IKBKB: variants seen among roughly 807,000 people sequenced by gnomAD.
IKBKB encodes the protein inhibitor of nuclear factor kappa-B kinase subunit beta.
IKBKB carries 42 observed loss-of-function variants against 113.6 expected under a neutral mutation model. The ratio of observed to expected loss-of-function variants is 0.37; its 90% confidence interval spans 0.29 to 0.48. IKBKB has a LOEUF of 0.48. Ranked by LOEUF, IKBKB falls within the 20% of genes least tolerant of loss-of-function variation. The pLI is 0.99. For missense variants in IKBKB, 673 were observed against 939.7 expected (o/e 0.72, Z 3.71); for synonymous variants, 296 against 361.3 (o/e 0.82, Z 2.05).
At position 42,319,296 on chromosome 8, in the gene IKBKB, G is replaced by A. The variant is rs752090287; in HGVS notation, c.1391G>A (p.Cys464Tyr). ...ATGAATCTCCTCCGAAACAACAGCT[G>A]CCTCTCCAAAATGAAGAATTCCATG... Reference protein sequence around the residue: ...AMMNLLRNNSCLSKMKNSMAS... With the variant: ...AMMNLLRNNSYLSKMKNSMAS... The change falls in exon 14 of 22, where the codon TGC becomes TAC. Residue 464 changes from cysteine (C) to tyrosine (Y), a missense_variant. Cys to Tyr is a radical substitution (Grantham distance 194). Transcript: ENST00000520810. 1.9e-5 allele frequency: 30 copies of A among 1,614,002 alleles called. No individual in the cohort carries two copies. Among genetic ancestry groups the A allele is most frequent in the Non-Finnish European group, 2.5e-5 (30 of 1,180,016 alleles).
chr8:42,327,269 G>T (rs560225201), intron 20 of IKBKB, among the ~76,000 whole-genome samples: 2 of 151,678 alleles, frequency 1.3e-5, no homozygotes, highest in African/African-American at 4.8e-5. Context: ...CAAGGCAGGA[G>T]GTTCGCAGGA....
intron 9 of IKBKB, among the ~76,000 whole-genome samples, chr8:42,314,672 G>T (rs1818340292): frequency 6.6e-6 from 1 of 151,888 alleles, no homozygotes; most frequent in Admixed American, 6.6e-5. Flanking sequence ...CTACTCAGGA[G>T]GCTAAGGCAG....
chr8:42,279,883 C>T (rs181541272), intron 2 of IKBKB, among the ~76,000 whole-genome samples: 47 of 152,308 alleles, frequency 3.1e-4, no homozygotes, highest in African/African-American at 1.1e-3. Context: ...GGGTCTCCCT[C>T]TGTCACCCAG....
intron 5 of IKBKB, among the ~76,000 whole-genome samples, chr8:42,297,450 C>A (rs957107244): frequency 6.6e-6 from 1 of 152,180 alleles, no homozygotes; most frequent in African/African-American, 2.4e-5. Context: ...ATTGCCTTTT[C>A]TTCTGGATTA....
intron 2 of IKBKB, among the ~76,000 whole-genome samples, chr8:42,276,227 G>A (rs982913920): frequency 2.0e-5 from 3 of 152,078 alleles, no homozygotes; most frequent in African/African-American, 4.8e-5. Context: ...ATAGAGTTCC[G>A]CTTTCTCCAC....
intron 11 of IKBKB, chr8:42,317,341 A>G (rs560033551): frequency 4.5e-6 from 2 of 440,798 alleles, no homozygotes; most frequent in Non-Finnish European, 8.3e-6. Flanking sequence ...CTGCTCAAAA[A>G]GACCTTCTCA....
intron 8 of IKBKB, among the ~76,000 whole-genome samples, chr8:42,312,137 C>T (rs1236233249): frequency 2.0e-5 from 3 of 152,224 alleles, no homozygotes; most frequent in African/African-American, 2.4e-5. Flanking sequence ...CTGCCCGCCT[C>T]GGCCTCCCAA....
intron 5 of IKBKB, among the ~76,000 whole-genome samples, chr8:42,303,905 C>A (rs1815954125): frequency 6.6e-6 from 1 of 152,150 alleles, no homozygotes; most frequent in South Asian, 2.1e-4. Context: ...TATTGTTTCC[C>A]CACCTCTCTT....
intron 14 of IKBKB, 64 bp downstream of exon 14, chr8:42,319,485 T>A: frequency 6.2e-7 from 1 of 1,601,802 alleles, no homozygotes; most frequent in Non-Finnish European, 8.6e-7. Context: ...CTTTCTAAGG[T>A]TTCTTTTGTC....
At chr8:42,298,996 T>C (rs912211221) in intron 5 of IKBKB, among the ~76,000 whole-genome samples, 1 of 152,224 alleles carries the variant, frequency 6.6e-6, no homozygotes, top group Admixed American at 6.5e-5. Flanking sequence ...CTGGCCGTTC[T>C]TGTGGCCTGT....
chr8:42,277,657 C>G (rs1338044562), intron 2 of IKBKB, among the ~76,000 whole-genome samples: 15 of 152,222 alleles, frequency 9.9e-5, no homozygotes, highest in African/African-American at 2.4e-4. Context: ...TCCTCCAGGA[C>G]CAACTCTAGG....
rs114367269 is a variant in IKBKB, at chr8:42,315,497, C to T, written c.801-713C>T. On this transcript the variant is annotated intron_variant, in intron 9 of 21. Transcript: ENST00000520810. ...GGCCTCAGGGAAGGGTTTGAGTGCT[C>T]ACAGGAGGCAGGCTCTGCAGGGCCA... Among the ~76,000 whole-genome samples, 705 of 152,178 alleles carry T rather than the reference C, an allele frequency of 4.6e-3. 6 individuals carry two copies. The highest frequency in any genetic ancestry group is 0.016 in the African/African-American group (670 of 41,508).
chr8:42,327,341 T>C (rs1276372857), intron 20 of IKBKB, among the ~76,000 whole-genome samples: 1 of 147,372 alleles, frequency 6.8e-6, no homozygotes, highest in East Asian at 2.0e-4. Context: ...TTTTTTTTTT[T>C]TTTTTTTTTT....
chr8:42,329,201 A>T lies in IKBKB; in HGVS notation c.2192A>T (p.Asp731Val). The T allele has an allele frequency of 6.3e-7, 1 of 1,592,554 alleles. No individual in the cohort carries two copies. The highest frequency in any genetic ancestry group is 8.5e-7 in the Non-Finnish European group (1 of 1,172,186). Reference sequence around the variant, plus strand: ...ATACAGGACACTGTGAGGGAACAAGACCAGAGTTTCACGGTAACAGCTTGT... The same window carrying T: ...ATACAGGACACTGTGAGGGAACAAGTCCAGAGTTTCACGGTAACAGCTTGT... Reference protein sequence around the residue: ...NAIQDTVREQDQSFTALDWSW... With the variant: ...NAIQDTVREQVQSFTALDWSW... The change falls in exon 21 of 22, where the codon GAC (aspartate) becomes GTC (valine). Residue 731 changes from aspartate (D) to valine (V), a missense_variant. Coordinates refer to ENST00000520810, the MANE Select transcript of IKBKB (RefSeq NM_001556.3).
rs1045202803 is a variant in IKBKB at position 42,291,515 on chromosome 8, G to T, written c.318+1242G>T. 3.9e-5 allele frequency among the ~76,000 whole-genome samples: 6 copies of T among 152,290 alleles called. No individual in the cohort carries two copies. The East Asian group carries it at 1.2e-3, about 29-fold the overall frequency. The stretch of plus-strand genomic sequence containing the variant: ...TTTTATTTTAATTGAAAAAGAGGTC[G>T]GTTGCTCTGCGAGTGCACCTCTTCA... On this transcript the variant is annotated intron_variant, in intron 4 of 21. Coordinates refer to ENST00000520810, the MANE Select transcript of IKBKB (RefSeq NM_001556.3).
At chr8:42,303,661 C>T (rs1377115778) in intron 5 of IKBKB, among the ~76,000 whole-genome samples, 1 of 152,212 alleles carries the variant, frequency 6.6e-6, no homozygotes, top group Middle Eastern at 3.4e-3. Flanking sequence ...CATGCCACCA[C>T]ACCCAGCTAA....
intron 19 of IKBKB, 138 bp from the exon 20 acceptor site, chr8:42,325,832 G>A: frequency 1.3e-6 from 2 of 1,491,390 alleles, no homozygotes; most frequent in Non-Finnish European, 1.8e-6. Flanking sequence ...CCCGCAGGTG[G>A]GGGTGCCAAC....
At chr8:42,319,240 C>T (rs750631797) in intron 13 of IKBKB, 30 bp from the exon 14 acceptor site, 9 of 1,610,478 alleles carry the variant, frequency 5.6e-6, no homozygotes, top group Admixed American at 3.3e-5. Context: ...CCCAGAGATG[C>T]TCCAAGACTG....
chr8:42,330,880 C>G (rs369331041), intron 21 of IKBKB, 34 bp from the exon 22 acceptor site: 79 of 1,613,960 alleles, frequency 4.9e-5, no homozygotes, highest in Non-Finnish European at 6.4e-5. Context: ...GTGTTGGTGG[C>G]TGTTGTTTTT....
Sources: allele counts gnomAD v4.1 joint callset (sites outside exome capture counted in the v4.1 genomes callset), GRCh38; gene constraint gnomAD v4.1.1; transcripts MANE v1.5; gene names NCBI Gene and HGNC (gene_info 2026-07-23, HGNC 2026-07-21).